Variants in LUC7L2 observed in about 807,000 individuals in gnomAD.
The protein encoded by LUC7L2 is LUC7 like 2, pre-mRNA splicing factor, also known as putative RNA-binding protein Luc7-like 2.
In LUC7L2, 25 loss-of-function variants were observed where a neutral mutation model predicts 52.8. The observed-to-expected ratio is 0.47, with a 90% CI of 0.34 to 0.66. LUC7L2 has a LOEUF of 0.66. Among genes scored for constraint, LUC7L2 ranks in the 30% least tolerant of loss-of-function variants. The probability of loss-of-function intolerance (pLI) is 0.01; values close to 1 mark genes in which losing one functional copy is unlikely to be tolerated. For missense variants in LUC7L2, 328 were observed against 497.8 expected, an observed-to-expected ratio of 0.66 and a Z score of 3.25; for synonymous variants, 144 against 160.9, an observed-to-expected ratio of 0.89 and a Z score of 0.80.
Position 139,360,085 on chromosome 7 carries a change from G to A in LUC7L2, c.-177G>A. On this transcript the variant is annotated 5_prime_UTR_variant, in exon 1 of 10. Coordinates refer to ENST00000354926, the MANE Select transcript of LUC7L2 (RefSeq NM_016019.5). ...TCGTCTTCCACGTACACGTCGTCGT[G>A]AGGAGCGCAGTCCGGACTCTTCCCG... The A allele has an allele frequency of 1.8e-6, 1 of 559,630 alleles. No individual in the cohort carries two copies. The highest frequency in any genetic ancestry group is 3.2e-6 in the Non-Finnish European group (1 of 317,086). 34.7% of individuals were successfully genotyped at this position (559,630 alleles called of 1,614,324 possible).
intron 2 of LUC7L2, among the ~76,000 whole-genome samples, chr7:139,385,311 CTTTTTTT>C (rs58744665): frequency 0.014 from 1,680 of 118,576 alleles, 40 homozygotes; most frequent in African/African-American, 0.039. Flanking sequence ...GTTAGGATTA[CTTTTTTT>C]TTTTTTTTTT....
intron 1 of LUC7L2, among the ~76,000 whole-genome samples, chr7:139,364,830 C>G (rs192622295): frequency 1.3e-5 from 2 of 152,296 alleles, no homozygotes; most frequent in East Asian, 3.9e-4. Context: ...GACTTTTCAT[C>G]AACATTGAAA....
At chr7:139,410,003 C>G (rs906798583) in intron 7 of LUC7L2, among the ~76,000 whole-genome samples, 1 of 151,988 alleles carries the variant, frequency 6.6e-6, no homozygotes, top group Non-Finnish European at 1.5e-5. Context: ...GTCAGGAGAT[C>G]GAGACCATCC....
chr7:139,341,616 A>C, intron 1 of LUC7L2: 8 of 1,519,232 alleles, frequency 5.3e-6, no homozygotes, highest in Non-Finnish European at 7.1e-6. Flanking sequence ...TAATTCCTGC[A>C]TTTCTGAGGC....
At chr7:139,357,278 C>T (rs1799632759), upstream of LUC7L2, among the ~76,000 whole-genome samples, 2 of 152,104 alleles carry the variant, frequency 1.3e-5, no homozygotes, top group South Asian at 4.1e-4. Context: ...TAAACCCAAA[C>T]ACAGGAGTAA....
intron 2 of LUC7L2, among the ~76,000 whole-genome samples, chr7:139,396,448 A>G (rs1794667749): frequency 6.6e-6 from 1 of 152,174 alleles, no homozygotes; most frequent in African/African-American, 2.4e-5. Context: ...GTCTCAAAAA[A>G]AGAAGAAAAA....
intron 2 of LUC7L2, among the ~76,000 whole-genome samples, chr7:139,377,270 T>C (rs897314976): frequency 6.6e-6 from 1 of 152,154 alleles, no homozygotes; most frequent in Non-Finnish European, 1.5e-5. Context: ...AGTGGCGCAA[T>C]CTCAGCTCAC....
At chr7:139,366,559 T>C (rs1800164658) in intron 1 of LUC7L2, among the ~76,000 whole-genome samples, 1 of 152,246 alleles carries the variant, frequency 6.6e-6, no homozygotes, top group African/African-American at 2.4e-5. Flanking sequence ...CTGCTTTTGG[T>C]AAATAAAGTT....
chr7:139,356,298 G>C (rs190584466), upstream of LUC7L2, among the ~76,000 whole-genome samples: 1 of 120,122 alleles, frequency 8.3e-6, no homozygotes, highest in Admixed American at 1.2e-4. Context: ...CTGGGTGACA[G>C]AGCAAGACCC....
intron 7 of LUC7L2, 140 bp downstream of exon 7, chr7:139,409,794 G>A (rs1344328548): frequency 3.2e-6 from 4 of 1,263,860 alleles, no homozygotes; most frequent in Non-Finnish European, 4.1e-6. Context: ...ATATTACTGT[G>A]CGAATTATAT....
chr7:139,357,869 T>C (rs1799653410), upstream of LUC7L2, among the ~76,000 whole-genome samples: 1 of 151,540 alleles, frequency 6.6e-6, no homozygotes, highest in African/African-American at 2.4e-5. Context: ...TTTTTTCTAT[T>C]TTTAGTAGAG....
chr7:139,341,466 C>G, intron 1 of LUC7L2: 1 of 1,613,756 alleles, frequency 6.2e-7, no homozygotes, highest in Non-Finnish European at 8.5e-7. Flanking sequence ...CACCGGCCGA[C>G]CCTATCGCGA....
intron 8 of LUC7L2, chr7:139,417,023 C>T (rs1183112821): frequency 6.5e-6 from 1 of 152,834 alleles, no homozygotes; most frequent in South Asian, 2.1e-4. Flanking sequence ...ACTGATTGCT[C>T]TCTGAGAATT....
At chr7:139,347,690 A>T (rs545660738) in intron 1 of LUC7L2, among the ~76,000 whole-genome samples, 34 of 151,970 alleles carry the variant, frequency 2.2e-4, no homozygotes, top group Admixed American at 5.2e-4. Flanking sequence ...TGAATGTATA[A>T]AAAAAAGAAA....
At chr7:139,404,299 C>T (rs547168771) in intron 4 of LUC7L2, among the ~76,000 whole-genome samples, 72 of 152,280 alleles carry the variant, frequency 4.7e-4, no homozygotes, top group African/African-American at 1.7e-3. Context: ...CACTTAAGGT[C>T]AGGAGTTTGA....
chr7:139,351,662 G>C (rs1040515887), intron 1 of LUC7L2, among the ~76,000 whole-genome samples: 1 of 152,186 alleles, frequency 6.6e-6, no homozygotes, highest in African/African-American at 2.4e-5. Flanking sequence ...TCTATTCTCT[G>C]TGTTTGACAG....
chr7:139,371,952 A>G (rs1159579417), intron 1 of LUC7L2, among the ~76,000 whole-genome samples: 1 of 152,204 alleles, frequency 6.6e-6, no homozygotes, highest in Non-Finnish European at 1.5e-5. Context: ...CATGAAACTC[A>G]TGAAGGTGTT....
chr7:139,392,552 A>G (rs1172224880), intron 2 of LUC7L2: 1 of 221,442 alleles, frequency 4.5e-6, no homozygotes, highest in East Asian at 1.6e-4. Context: ...ACTGAACTTA[A>G]TTACAAATAA....
chr7:139,406,860 G>GT (rs1795137180), intron 5 of LUC7L2, among the ~76,000 whole-genome samples: 1 of 151,202 alleles, frequency 6.6e-6, no homozygotes, highest in Non-Finnish European at 1.5e-5. Flanking sequence ...TGATTTTATT[G>GT]TTTTTTTCTT....
Sources: allele counts gnomAD v4.1 joint callset (sites outside exome capture counted in the v4.1 genomes callset), GRCh38; gene constraint gnomAD v4.1.1; transcripts MANE v1.5; gene names NCBI Gene and HGNC (gene_info 2026-07-23, HGNC 2026-07-21).